The following HTR4 variants were observed in gnomAD, a reference collection of about 807,000 sequenced individuals.
HTR4 encodes 5-hydroxytryptamine (serotonin) receptor 4, G protein-coupled.
In HTR4, 16 loss-of-function variants were observed where a neutral mutation model predicts 36.8. That is an observed-to-expected ratio of 0.43 (90% confidence interval 0.29 to 0.66). HTR4 has a LOEUF of 0.66. Ranked by LOEUF, HTR4 falls within the 30% of genes least tolerant of loss-of-function variation. The probability of loss-of-function intolerance (pLI) is 0.13; values close to 1 mark genes in which losing one functional copy is unlikely to be tolerated. For synonymous variants in HTR4, 189 were observed against 185.1 expected (o/e 1.02, Z -0.17); for missense variants, 438 against 490.9 (o/e 0.89, Z 1.02).
chr5:148,644,422 G>GTTTT (rs1175588280), intron 1 of HTR4, among the ~76,000 whole-genome samples: 613 of 40,644 alleles, frequency 0.015, 61 homozygotes, highest in Non-Finnish European at 0.018. Context: ...AAGCTCACAA[G>GTTTT]TTTTTTTTTT....
downstream of HTR4, chr5:148,481,336 C>A (rs1755872543): frequency 1.8e-6 from 1 of 553,670 alleles, no homozygotes; most frequent in Non-Finnish European, 3.2e-6. Context: ...AATAAACTTT[C>A]TTCATATGTG....
At chr5:148,601,705 GT>G (rs1246663808) in intron 2 of HTR4, among the ~76,000 whole-genome samples, 9 of 152,148 alleles carry the variant, frequency 5.9e-5, no homozygotes, top group African/African-American at 2.2e-4. Context: ...GGAGGCTGAG[GT>G]GGGAGGATCA....
At chr5:148,544,581 C>T (rs190903679) in intron 4 of HTR4, among the ~76,000 whole-genome samples, 184 of 152,196 alleles carry the variant, frequency 1.2e-3, no homozygotes, top group African/African-American at 4.4e-3. Flanking sequence ...CACCACAGTA[C>T]TTTAGATCTT....
rs1409909977 is a variant in HTR4, at chr5:148,547,574, TAA to T, written c.353+1092_353+1093del. Among the ~76,000 whole-genome samples, 42 of 107,262 alleles carry T rather than the reference TAA, an allele frequency of 3.9e-4. No homozygotes were observed. The East Asian group carries it at 4.1e-3, about 11-fold the overall frequency. The allele number at this position is 107,262 out of a possible 152,430, so 70.4% of individuals were successfully genotyped here. The stretch of plus-strand genomic sequence containing the variant: ...AATAAAATAAAATAAAATAAATAAA[TAA>T]AAATAAATGAAAATAAAAATAAAAA... On this transcript the variant is annotated intron_variant, in intron 4 of 6. Transcript: ENST00000377888.
intron 4 of HTR4, among the ~76,000 whole-genome samples, chr5:148,530,651 C>T (rs1233147495): frequency 6.6e-6 from 1 of 152,186 alleles, no homozygotes; most frequent in Non-Finnish European, 1.5e-5. Flanking sequence ...GTGCAGAGTC[C>T]CTACTGGGGC....
At chr5:148,593,565 A>G (rs527782288) in intron 2 of HTR4, among the ~76,000 whole-genome samples, 1 of 152,172 alleles carries the variant, frequency 6.6e-6, no homozygotes, top group East Asian at 1.9e-4. Context: ...CTTTAATGTA[A>G]TTAACTTAAT....
intron 6 of HTR4, among the ~76,000 whole-genome samples, chr5:148,507,373 G>A (rs1380333778): frequency 1.8e-5 from 2 of 113,646 alleles, no homozygotes; most frequent in South Asian, 3.4e-4. Flanking sequence ...GGGGCCTGTC[G>A]TGGGGTGGGG....
chr5:148,524,266 T>G (rs149553171), intron 4 of HTR4, among the ~76,000 whole-genome samples: 144 of 152,316 alleles, frequency 9.5e-4, no homozygotes, highest in African/African-American at 3.2e-3. Flanking sequence ...GGACTAGTCC[T>G]GACCAATGAA....
At chr5:148,534,647 T>A (rs1758726180) in intron 4 of HTR4, among the ~76,000 whole-genome samples, 1 of 152,076 alleles carries the variant, frequency 6.6e-6, no homozygotes, top group Non-Finnish European at 1.5e-5. Flanking sequence ...CAAGCTGCAC[T>A]TGACCCAAGG....
Position 148,525,456 on chromosome 5 carries a change from G to A in HTR4, c.354-2110C>T, listed in dbSNP as rs187684486. On this transcript the variant is annotated intron_variant, in intron 4 of 6. Transcript: ENST00000377888. Reference sequence around the variant, plus strand: ...CTTCGGGAGTTATCTCTTTGCTGTTGCTATAGTGCTGTTGGGAAAACAAAT... The same window carrying A: ...CTTCGGGAGTTATCTCTTTGCTGTTACTATAGTGCTGTTGGGAAAACAAAT... Among the ~76,000 whole-genome samples, 349 of 152,092 alleles carry A rather than the reference G, an allele frequency of 2.3e-3. 2 individuals carry two copies. The highest frequency in any genetic ancestry group is 7.7e-3 in the African/African-American group (319 of 41,492).
intron 2 of HTR4, among the ~76,000 whole-genome samples, chr5:148,600,367 A>G (rs1407787137): frequency 6.7e-6 from 1 of 148,258 alleles, no homozygotes; most frequent in Admixed American, 6.7e-5. Context: ...TTCACACATG[A>G]CTGGGGGCCT....
At chr5:148,523,401 A>G (rs1758117778) in intron 4 of HTR4, 55 bp from the exon 5 acceptor site, 1 of 1,441,922 alleles carries the variant, frequency 6.9e-7, no homozygotes, top group Non-Finnish European at 9.4e-7. Flanking sequence ...AATGGGAGGG[A>G]GAGAAAAGAG....
At chr5:148,534,717 G>A (rs150228940) in intron 4 of HTR4, among the ~76,000 whole-genome samples, 132 of 152,126 alleles carry the variant, frequency 8.7e-4, no homozygotes, top group African/African-American at 3.1e-3. Flanking sequence ...CACCAGACAG[G>A]TAACCCCTAA....
chr5:148,461,972 T>C (rs1190915713), intron 5 of HTR4: 2 of 152,054 alleles, frequency 1.3e-5, no homozygotes, highest in Non-Finnish European at 1.5e-5. Context: ...TGGAAAATTC[T>C]GAAATACTTG....
chr5:148,570,185 T>C (rs953717336), intron 2 of HTR4, among the ~76,000 whole-genome samples: 2 of 152,150 alleles, frequency 1.3e-5, no homozygotes, highest in Non-Finnish European at 2.9e-5. Context: ...TCAGGTTAGA[T>C]ATAGGCATAT....
chr5:148,480,744 C>T (rs1755852540), downstream of HTR4, among the ~76,000 whole-genome samples: 2 of 152,178 alleles, frequency 1.3e-5, no homozygotes. Flanking sequence ...TTGCCCTGGG[C>T]ATTTCTTTCT....
chr5:148,614,010 C>T (rs530592840), intron 2 of HTR4, among the ~76,000 whole-genome samples: 4,217 of 150,766 alleles, frequency 0.028, 94 homozygotes, highest in Middle Eastern at 0.055. Context: ...AACTACAAAC[C>T]GCTGCTCAAG....
intron 1 of HTR4, among the ~76,000 whole-genome samples, chr5:148,637,387 T>C (rs1471205005): frequency 1.3e-5 from 2 of 152,196 alleles, no homozygotes; most frequent in Admixed American, 6.5e-5. Flanking sequence ...TTAGTGAAGA[T>C]AGGTAGCTAC....
At chr5:148,552,126 T>A (rs1329351406) in intron 2 of HTR4, among the ~76,000 whole-genome samples, 1 of 152,172 alleles carries the variant, frequency 6.6e-6, no homozygotes, top group Non-Finnish European at 1.5e-5. Flanking sequence ...GAACTTCTGT[T>A]AAGCTGGCAC....
Sources: allele counts gnomAD v4.1 joint callset (sites outside exome capture counted in the v4.1 genomes callset), GRCh38; gene constraint gnomAD v4.1.1; transcripts MANE v1.5; gene names NCBI Gene and HGNC (gene_info 2026-07-23, HGNC 2026-07-21).